Variants in ZNF652 observed in about 807,000 individuals in gnomAD.
The protein encoded by ZNF652 is zinc finger protein 652.
In ZNF652, 16 loss-of-function variants were observed where a neutral mutation model predicts 45.2. That is an observed-to-expected ratio of 0.35 (90% CI 0.24 to 0.54). The LOEUF (loss-of-function observed/expected upper bound fraction) is 0.54. Among genes scored for constraint, ZNF652 ranks in the 20% least tolerant of loss-of-function variants. The probability of loss-of-function intolerance (pLI) is 0.91; values close to 1 mark genes in which losing one functional copy is unlikely to be tolerated. For synonymous variants in ZNF652, 250 were observed against 260.6 expected (o/e 0.96, Z 0.39); for missense variants, 614 against 765.6 (o/e 0.80, Z 2.34).
At chr17:49,361,684 C>G (rs906851108) in intron 1 of ZNF652, among the ~76,000 whole-genome samples, 5 of 152,146 alleles carry the variant, frequency 3.3e-5, no homozygotes, top group African/African-American at 1.2e-4. Flanking sequence ...GGCGAAAGAG[C>G]AGGAGCGGGG....
chr17:49,338,599 A>G (rs914283519), intron 1 of ZNF652, among the ~76,000 whole-genome samples: 1 of 152,238 alleles, frequency 6.6e-6, no homozygotes, highest in Non-Finnish European at 1.5e-5. Context: ...ACAGCATCCT[A>G]ATAATGCATA....
intron 2 of ZNF652, among the ~76,000 whole-genome samples, chr17:49,314,502 A>C (rs2069770200): frequency 6.6e-6 from 1 of 152,074 alleles, no homozygotes; most frequent in Non-Finnish European, 1.5e-5. Flanking sequence ...TTTTAGTCTA[A>C]ACTTTAATTA....
At chr17:49,329,999 G>A (rs1399039112) in intron 1 of ZNF652, among the ~76,000 whole-genome samples, 1 of 152,160 alleles carries the variant, frequency 6.6e-6, no homozygotes, top group Non-Finnish European at 1.5e-5. Flanking sequence ...GGACCGACAT[G>A]ATCACAATGT....
chr17:49,319,220 G>C (rs2069853242), intron 1 of ZNF652, among the ~76,000 whole-genome samples: 1 of 152,086 alleles, frequency 6.6e-6, no homozygotes, highest in Non-Finnish European at 1.5e-5. Context: ...GTTGACAAAA[G>C]GAAGGAAATG....
chr17:49,311,205 G>T lies in ZNF652; in HGVS notation c.1309+107C>A. The T allele has an allele frequency of 3.3e-6, 4 of 1,213,856 alleles. No homozygotes were observed. In the South Asian group the frequency reaches 4.8e-5, roughly 15 times the overall value. The allele number at this position is 1,213,856 out of a possible 1,614,324, so 75.2% of individuals were successfully genotyped here. On this transcript the variant is annotated intron_variant, in intron 5 of 5. Transcript: ENST00000430262. ...TAGGTTTATTTAAAGTGGGATTTTT[G>T]CTTTGAATGCAAATTTGTGGTTTTG...
chr17:49,325,012 A>G (rs2069941780), intron 1 of ZNF652, among the ~76,000 whole-genome samples: 1 of 151,726 alleles, frequency 6.6e-6, no homozygotes, highest in African/African-American at 2.4e-5. Flanking sequence ...AAGTGCTGGG[A>G]TTACAGGTGT....
intron 1 of ZNF652, among the ~76,000 whole-genome samples, chr17:49,324,384 C>T (rs967481378): frequency 7.3e-5 from 11 of 151,568 alleles, no homozygotes; most frequent in African/African-American, 2.4e-4. Context: ...AAGGCTGTTT[C>T]GCCTTTTTTA....
chr17:49,347,770 C>T (rs1289144397), intron 1 of ZNF652, among the ~76,000 whole-genome samples: 1 of 124,686 alleles, frequency 8.0e-6, no homozygotes, highest in Non-Finnish European at 1.6e-5. Flanking sequence ...TTTTGAGACA[C>T]AGTCACTCTG....
intron 1 of ZNF652, among the ~76,000 whole-genome samples, chr17:49,351,587 A>G (rs1044874897): frequency 6.6e-6 from 1 of 152,148 alleles, no homozygotes; most frequent in Non-Finnish European, 1.5e-5. Context: ...ACATACATAT[A>G]TATATATGTG....
Position 49,293,372 on chromosome 17 carries a change from A to C in ZNF652, c.*5041T>G, listed in dbSNP as rs2069428396. Among the ~76,000 whole-genome samples, 2 of 152,212 alleles carry C rather than the reference A, an allele frequency of 1.3e-5. No homozygotes were observed. Among genetic ancestry groups the C allele is most frequent in the South Asian group, 4.1e-4 (2 of 4,834 alleles). ...GTTTGATTTTCCTTTGAATCTTGCA[A>C]AACCTATCCTCTGAGACAAAAAGAT... On this transcript the variant is annotated 3_prime_UTR_variant, in exon 6 of 6. Transcript: ENST00000430262.
rs754119027 is a variant in ZNF652 at position 49,312,713 on chromosome 17, G to T, written c.1033C>A (p.Arg345=). The T allele has an allele frequency of 9.9e-6, 16 of 1,613,152 alleles. No individual in the cohort carries two copies. The African/African-American group carries it at 2.1e-4, about 22-fold the overall frequency. The change falls in exon 3 of 6, where the codon CGG becomes AGG. Residue 345 remains arginine (R), a synonymous_variant. Coordinates refer to ENST00000430262, the MANE Select transcript of ZNF652 (RefSeq NM_001145365.3). ...EKKFYTMAHV[R]KHMVAHTKDM... ...AAAAACTTACCAACCATGTGTTTCC[G>T]CACATGAGCCATGGTATAGAATTTC...
intron 1 of ZNF652, among the ~76,000 whole-genome samples, chr17:49,350,558 A>T (rs63266160): frequency 7.0e-6 from 1 of 142,006 alleles, no homozygotes; most frequent in African/African-American, 2.6e-5. Context: ...AAAAAAAAAA[A>T]TTGTGAAAAG....
intron 2 of ZNF652, among the ~76,000 whole-genome samples, chr17:49,313,508 A>G (rs1025754654): frequency 6.6e-6 from 1 of 152,192 alleles, no homozygotes. Flanking sequence ...TTTTAAAAAT[A>G]TATGTATTAA....
At chr17:49,345,359 G>A (rs2070193952) in intron 1 of ZNF652, among the ~76,000 whole-genome samples, 1 of 151,170 alleles carries the variant, frequency 6.6e-6, no homozygotes, top group African/African-American at 2.4e-5. Flanking sequence ...TGTTCCACTA[G>A]GCCCAGCTAA....
At chr17:49,306,515 G>T (rs2069630840) in intron 5 of ZNF652, among the ~76,000 whole-genome samples, 1 of 151,978 alleles carries the variant, frequency 6.6e-6, no homozygotes, top group Non-Finnish European at 1.5e-5. Context: ...GGTTGGTCTT[G>T]AACTCAAGTG....
chr17:49,316,556 T>C (rs1038603608), intron 2 of ZNF652, among the ~76,000 whole-genome samples: 4 of 152,160 alleles, frequency 2.6e-5, no homozygotes, highest in East Asian at 1.9e-4. Flanking sequence ...CAGTGCAAAG[T>C]TGGTGTTGAT....
At chr17:49,325,182 T>G (rs2143830820) in intron 1 of ZNF652, among the ~76,000 whole-genome samples, 2 of 152,282 alleles carry the variant, frequency 1.3e-5, no homozygotes, top group East Asian at 1.9e-4. Context: ...TTTCTAGCTT[T>G]TGATTTAAAA....
At chr17:49,301,100 C>T (rs1307438042) in intron 5 of ZNF652, among the ~76,000 whole-genome samples, 1 of 152,110 alleles carries the variant, frequency 6.6e-6, no homozygotes, top group Non-Finnish European at 1.5e-5. Flanking sequence ...CCTTCTTATA[C>T]CTAAGAGAAA....
intron 1 of ZNF652, among the ~76,000 whole-genome samples, chr17:49,344,432 A>G (rs2070182868): frequency 6.6e-6 from 1 of 151,874 alleles, no homozygotes; most frequent in African/African-American, 2.4e-5. Flanking sequence ...TTAATTAATA[A>G]TGTTTTTTAA....
Sources: gnomAD v4.1 joint callset for allele counts (sites outside exome capture counted in the v4.1 genomes callset) on GRCh38, gnomAD v4.1.1 for gene constraint, MANE v1.5 for transcripts, NCBI Gene and HGNC (gene_info 2026-07-23, HGNC 2026-07-21) for gene names.